Variants in SYN3 observed in about 807,000 individuals in gnomAD.
SYN3 encodes the protein synapsin-3.
A neutral mutation model predicts 65.8 loss-of-function variants in SYN3; 35 were observed. The ratio of observed to expected loss-of-function variants is 0.53; its 90% CI spans 0.41 to 0.70. The LOEUF (loss-of-function observed/expected upper bound fraction) is 0.70, where lower values mean the gene tolerates loss of function less well. Ranked by LOEUF, SYN3 falls within the 30% of genes least tolerant of loss-of-function variation. The pLI, the probability that SYN3 is intolerant of heterozygous loss-of-function variation, is 0.00. For synonymous variants in SYN3, 270 were observed against 292.9 expected (o/e 0.92, Z 0.80); for missense variants, 680 against 749.0 (o/e 0.91, Z 1.08).
chr22:32,527,926 G>T lies in SYN3; in HGVS notation c.1310C>A (p.Pro437His), dbSNP rs767731059. 1.3e-6 allele frequency: 2 copies of T among 1,589,410 alleles called. No individual in the cohort carries two copies. Among genetic ancestry groups the T allele is most frequent in the African/African-American group, 1.3e-5 (1 of 74,358 alleles). ...PQLGQPQPRP[P>H]PQGGPRQAQS... ...CTCGTCCTGGGTCATACCTTGCGGA[G>T]GTGGGCGTGGCTGGGGCTGGCCTAG... Residue 437 changes from proline (P) to histidine (H), a missense_variant, in exon 12 of 14, where the codon CCT becomes CAT. Pro to His is a moderately conservative substitution (Grantham distance 77). Coordinates refer to ENST00000358763, the MANE Select transcript of SYN3 (RefSeq NM_003490.4).
intron 6 of SYN3, among the ~76,000 whole-genome samples, chr22:32,661,910 T>C (rs2060222310): frequency 6.6e-6 from 1 of 152,222 alleles, no homozygotes; most frequent in South Asian, 2.1e-4. Context: ...TGACTGACTT[T>C]TCTTAGCCTC....
At chr22:33,054,976 C>T (rs920632369) in intron 1 of SYN3, among the ~76,000 whole-genome samples, 2 of 152,194 alleles carry the variant, frequency 1.3e-5, no homozygotes, top group Non-Finnish European at 2.9e-5. Flanking sequence ...TTTTACTTTT[C>T]TCCAACACTA....
At chr22:32,562,965 T>C (rs1432947346) in intron 7 of SYN3, among the ~76,000 whole-genome samples, 1 of 152,226 alleles carries the variant, frequency 6.6e-6, no homozygotes, top group Non-Finnish European at 1.5e-5. Flanking sequence ...TGGGTGACCT[T>C]GGGCAAGTAA....
At chr22:33,032,504 CAAA>C (rs111721615) in intron 1 of SYN3, among the ~76,000 whole-genome samples, 2 of 132,446 alleles carry the variant, frequency 1.5e-5, no homozygotes, top group African/African-American at 5.6e-5. Flanking sequence ...GACTCCATCT[CAAA>C]AAAAAAAAAA....
At chr22:32,522,979 A>G (rs1439774504) in intron 12 of SYN3, among the ~76,000 whole-genome samples, 1 of 152,124 alleles carries the variant, frequency 6.6e-6, no homozygotes, top group Non-Finnish European at 1.5e-5. Context: ...TTCAGTTTGC[A>G]GATACTGTGT....
intron 1 of SYN3, among the ~76,000 whole-genome samples, chr22:33,037,173 A>G (rs2053877830): frequency 1.3e-5 from 2 of 152,218 alleles, no homozygotes; most frequent in African/African-American, 2.4e-5. Flanking sequence ...AATAGCAGAA[A>G]AAGTGGGTTT....
intron 6 of SYN3, among the ~76,000 whole-genome samples, chr22:32,745,365 G>A (rs1338682868): frequency 1.3e-5 from 2 of 152,214 alleles, no homozygotes; most frequent in African/African-American, 2.4e-5. Flanking sequence ...CTGGAGGGTG[G>A]GACTCCACCC....
chr22:32,508,436 T>C lies in SYN3; in HGVS notation c.*5256A>G, dbSNP rs1351988572. Among the ~76,000 whole-genome samples the C allele has an allele frequency of 6.6e-6, 1 of 152,048 alleles. No homozygotes were observed. The highest frequency in any genetic ancestry group is 2.4e-5 in the African/African-American group (1 of 41,410). ...CGGACTCATCCGGCCTGCACCCAGG[T>C]GAAATAAACAGCCATGTTGCTCACA... is the stretch of plus-strand genomic sequence containing the variant. On this transcript the variant is annotated 3_prime_UTR_variant, in exon 14 of 14. Transcript: ENST00000358763.
intron 1 of SYN3, among the ~76,000 whole-genome samples, chr22:33,038,841 A>G (rs965126484): frequency 2.0e-5 from 3 of 152,186 alleles, no homozygotes; most frequent in African/African-American, 7.2e-5. Context: ...TAGCTGAGGT[A>G]GTGCACTACA....
chr22:32,734,981 T>G (rs1322901441), intron 6 of SYN3, among the ~76,000 whole-genome samples: 1 of 152,228 alleles, frequency 6.6e-6, no homozygotes, highest in Admixed American at 6.5e-5. Context: ...CTAGACTTTT[T>G]GGGAGCTAAG....
intron 7 of SYN3, among the ~76,000 whole-genome samples, chr22:32,586,046 ATATATGTG>A (rs1349998250): frequency 6.9e-6 from 1 of 144,912 alleles, no homozygotes; most frequent in Non-Finnish European, 1.5e-5. Context: ...ATGTATATGT[ATATATGTG>A]TATATGTATA....
At chr22:32,710,098 C>CATAT (rs1555931601) in intron 6 of SYN3, among the ~76,000 whole-genome samples, 3,758 of 129,426 alleles carry the variant, frequency 0.029, 183 homozygotes, top group African/African-American at 0.093. Flanking sequence ...CACACACACA[C>CATAT]ATGTGTGTGT....
At chr22:33,047,385 C>T (rs759487294) in intron 1 of SYN3, among the ~76,000 whole-genome samples, 4 of 152,172 alleles carry the variant, frequency 2.6e-5, no homozygotes, top group African/African-American at 4.8e-5. Flanking sequence ...ATGCTTTCAA[C>T]GTGGAGCCAT....
chr22:32,606,368 A>G (rs1191523410), intron 6 of SYN3, among the ~76,000 whole-genome samples: 1 of 152,218 alleles, frequency 6.6e-6, no homozygotes, highest in Non-Finnish European at 1.5e-5. Context: ...CGGCTGCTTC[A>G]TAAAGCTTAA....
At chr22:32,649,641 G>A (rs964088857) in intron 6 of SYN3, among the ~76,000 whole-genome samples, 2 of 152,122 alleles carry the variant, frequency 1.3e-5, no homozygotes, top group East Asian at 3.9e-4. Context: ...TCGCGGCTGG[G>A]CCCAAGGCTG....
intron 2 of SYN3, among the ~76,000 whole-genome samples, chr22:32,990,335 T>TCCAC (rs2052666293): frequency 6.7e-6 from 1 of 148,686 alleles, no homozygotes; most frequent in Non-Finnish European, 1.5e-5. Flanking sequence ...CATCCATCCA[T>TCCAC]CCATCCATCC....
In SYN3 at chr22:32,837,221, G is replaced by A. The variant is rs73885115; in HGVS notation, c.711+27694C>T. ...GTATTTTTCTGGGCACTGCTTCAAAGGGGCTGTGGTTGAAGACCATGCTGC... is the reference window on the plus strand; with the variant it reads ...GTATTTTTCTGGGCACTGCTTCAAAAGGGCTGTGGTTGAAGACCATGCTGC... On this transcript the variant is annotated intron_variant, in intron 6 of 13. Transcript: ENST00000358763. The surrounding 1 kb of genome is among the most constrained non-coding windows in gnomAD (Gnocchi z 4.1). 3.3e-5 allele frequency among the ~76,000 whole-genome samples: 5 copies of A among 152,220 alleles called. No individual in the cohort carries two copies. The highest frequency in any genetic ancestry group is 1.2e-4 in the African/African-American group (5 of 41,446).
At chr22:32,692,155 C>CAAAAAAAAAAAAAAAAAAAAAAAAA (rs1188224009) in intron 6 of SYN3, among the ~76,000 whole-genome samples, 9 of 34,494 alleles carry the variant, frequency 2.6e-4, no homozygotes, top group Admixed American at 4.2e-4. Context: ...GACAAAAAGA[C>CAAAAAAAAAAAAAAAAAAAAAAAAA]AAAAAAAAAA....
chr22:32,966,022 T>C (rs1054853305), intron 3 of SYN3, among the ~76,000 whole-genome samples: 3 of 152,164 alleles, frequency 2.0e-5, no homozygotes, highest in Non-Finnish European at 4.4e-5. Context: ...ATCACCATTG[T>C]AACCTGAGCA....
Sources: gnomAD v4.1 joint callset for allele counts (sites outside exome capture counted in the v4.1 genomes callset) on GRCh38, gnomAD v4.1.1 for gene constraint, Gnocchi (gnomAD v3.1) non-coding constraint, MANE v1.5 for transcripts, NCBI Gene and HGNC (gene_info 2026-07-23, HGNC 2026-07-21) for gene names.